KIFC3: variants seen among roughly 807,000 people sequenced by gnomAD.
KIFC3 encodes kinesin-like protein KIFC3.
Under a neutral mutation model 101.8 loss-of-function variants are expected in KIFC3, and 60 were observed. That is an observed-to-expected ratio of 0.59 (90% CI 0.48 to 0.73). The LOEUF is 0.73. Ranked by LOEUF, KIFC3 falls within the 30% of genes least tolerant of loss-of-function variation. The pLI is 0.00. For synonymous variants in KIFC3, 476 were observed against 482.7 expected (o/e 0.99, Z 0.18); for missense variants, 966 against 1,137.1 (o/e 0.85, Z 2.16).
intron 3 of KIFC3, among the ~76,000 whole-genome samples, chr16:57,784,365 G>A (rs2053097729): frequency 1.3e-5 from 2 of 152,178 alleles, no homozygotes; most frequent in African/African-American, 2.4e-5. Flanking sequence ...GTGCCCCAAG[G>A]AGCCCCACCC....
intron 1 of KIFC3, chr16:57,816,339 T>G: frequency 9.5e-7 from 1 of 1,049,042 alleles, no homozygotes; most frequent in South Asian, 1.3e-5. Context: ...GTCTTCAGGA[T>G]CCTGGGGCCT....
Position 57,761,073 on chromosome 16 carries a change from G to A in KIFC3, c.1971C>T (p.Gly657=), listed in dbSNP as rs782335810. ...SHALLIVTVR[G]VDCSTGLRTT... ...TGCGGAGGCCTGTGCTGCAGTCCAC[G>A]CCTCGCACCGTCACGATGAGCAGCG... The change falls in exon 15 of 20, where the codon GGC becomes GGT. Residue 657 remains glycine, a synonymous_variant. Coordinates refer to ENST00000445690, the MANE Select transcript of KIFC3 (RefSeq NM_001130100.2). The A allele has an allele frequency of 8.1e-6, 13 of 1,612,894 alleles. No homozygotes were observed. The highest frequency in any genetic ancestry group is 1.7e-5 in the Admixed American group (1 of 59,966).
chr16:57,760,714 C>A lies in KIFC3; in HGVS notation c.2232+12G>T. On this transcript the variant is annotated intron_variant, in intron 16 of 19. Transcript: ENST00000445690. The stretch of plus-strand genomic sequence containing the variant: ...TGCTAGGGACTGGCCCGCCCTAACC[C>A]AAGGTCCTCACCTGTACCACCATGA... The A allele has an allele frequency of 6.2e-7, 1 of 1,611,340 alleles. No homozygotes were observed. The highest frequency in any genetic ancestry group is 8.5e-7 in the Non-Finnish European group (1 of 1,178,024).
intron 3 of KIFC3, among the ~76,000 whole-genome samples, chr16:57,773,276 A>G (rs982696468): frequency 1.1e-4 from 16 of 152,202 alleles, no homozygotes; most frequent in Non-Finnish European, 1.9e-4. Context: ...ACTAAATGAT[A>G]GGCAACAACG....
chr16:57,800,454 C>A (rs949942770), intron 1 of KIFC3, among the ~76,000 whole-genome samples: 2 of 152,194 alleles, frequency 1.3e-5, no homozygotes, highest in African/African-American at 4.8e-5. Context: ...GCTGGGCACA[C>A]AACCAACCCT....
chr16:57,775,074 T>C (rs1555611102), intron 3 of KIFC3: 5 of 1,504,892 alleles, frequency 3.3e-6, no homozygotes, highest in African/African-American at 1.4e-5. Context: ...GGAGGCGGGA[T>C]ACCCACCAGC....
intron 3 of KIFC3, among the ~76,000 whole-genome samples, chr16:57,780,667 ATTT>A (rs1191334568): frequency 1.4e-5 from 1 of 69,932 alleles, no homozygotes; most frequent in Non-Finnish European, 2.5e-5. Context: ...CTGAAGACAA[ATTT>A]TTTTTTTTTT....
At position 57,770,633 on chromosome 16, in the gene KIFC3, C is replaced by T. The variant is rs904109342; in HGVS notation, c.833G>A (p.Arg278Gln). 5.1e-6 allele frequency: 8 copies of T among 1,553,618 alleles called. No individual in the cohort carries two copies. The highest frequency in any genetic ancestry group is 4.8e-5 in the East Asian group (2 of 41,692). Residue 278 changes from arginine to glutamine, a missense_variant, in exon 7 of 20, where the codon CGG becomes CAG. Transcript: ENST00000445690. ...TKQALSESQA[R>Q]NQHLQEQVAM... ...CACCTGCTCCTGCAGGTGCTGGTTCCGGGCCTGGGACTCGCTGAGGGCCTG... is the reference window on the plus strand; with the variant it reads ...CACCTGCTCCTGCAGGTGCTGGTTCTGGGCCTGGGACTCGCTGAGGGCCTG...
chr16:57,860,737 A>G (rs540932999), intron 1 of KIFC3, among the ~76,000 whole-genome samples: 2 of 152,142 alleles, frequency 1.3e-5, no homozygotes, highest in African/African-American at 4.8e-5. Context: ...TTTAGATACA[A>G]TATCTCCCTC....
intron 1 of KIFC3, among the ~76,000 whole-genome samples, chr16:57,843,217 T>C (rs1407593073): frequency 1.3e-5 from 2 of 152,142 alleles, no homozygotes; most frequent in Non-Finnish European, 2.9e-5. Flanking sequence ...TATAAAAGAA[T>C]CTCACAGGCA....
At chr16:57,858,657 A>G (rs2056229930) in intron 1 of KIFC3, among the ~76,000 whole-genome samples, 1 of 152,082 alleles carries the variant, frequency 6.6e-6, no homozygotes, top group South Asian at 2.1e-4. Context: ...TTAAATTTAC[A>G]TAATTGAGGC....
upstream of KIFC3, among the ~76,000 whole-genome samples, chr16:57,806,643 A>G (rs188642298): frequency 2.3e-3 from 344 of 152,344 alleles, 1 homozygote; most frequent in Non-Finnish European, 3.5e-3. Flanking sequence ...GTACCCAAAC[A>G]GACTTTCTTC....
intron 1 of KIFC3, among the ~76,000 whole-genome samples, chr16:57,849,830 A>C (rs1478040769): frequency 6.6e-6 from 1 of 152,028 alleles, no homozygotes; most frequent in Non-Finnish European, 1.5e-5. Context: ...TTGCACCTGG[A>C]ATGTGGAGGT....
intron 3 of KIFC3, among the ~76,000 whole-genome samples, chr16:57,790,078 C>CTTTCTTTCTTTCTT (rs59016221): frequency 2.9e-4 from 27 of 94,094 alleles, no homozygotes; most frequent in East Asian, 2.3e-3. Flanking sequence ...TTCTTTCTTT[C>CTTTCTTTCTTTCTT]TTTTTTTTTT....
intron 3 of KIFC3, chr16:57,780,045 G>C (rs2052541418): frequency 1.3e-5 from 2 of 152,144 alleles, no homozygotes; most frequent in African/African-American, 4.8e-5. Flanking sequence ...CACAAGAACT[G>C]CATGGAGGAA....
At chr16:57,857,794 T>C (rs566082039) in intron 1 of KIFC3, among the ~76,000 whole-genome samples, 118 of 126,768 alleles carry the variant, frequency 9.3e-4, no homozygotes, top group Non-Finnish European at 7.4e-4. Flanking sequence ...TCTTTTTTTT[T>C]TTATTTCTTT....
intron 1 of KIFC3, among the ~76,000 whole-genome samples, chr16:57,833,692 G>A (rs2967122): frequency 0.16 from 25,035 of 152,036 alleles, 2,257 homozygotes; most frequent in Middle Eastern, 0.23. Context: ...TCCCATCGTG[G>A]TGATGTGACA....
chr16:57,847,242 GGAAGGAAGGAAGGAAGGAAGGAAGGA>G (rs2149321583), intron 1 of KIFC3, among the ~76,000 whole-genome samples: 1 of 104,330 alleles, frequency 9.6e-6, no homozygotes, highest in Non-Finnish European at 1.8e-5. Flanking sequence ...AAGGAAGGAA[GGAAGGAAGGAAGGAAGGAAGGAAGGA>G]AGGGAAGGGA....
chr16:57,775,544 C>T (rs554349160), intron 3 of KIFC3: 31 of 986,358 alleles, frequency 3.1e-5, no homozygotes, highest in South Asian at 9.4e-5. Flanking sequence ...CTGGGGAAAG[C>T]GGATGGAAGA....
Sources: gnomAD v4.1 joint callset for allele counts (sites outside exome capture counted in the v4.1 genomes callset) on GRCh38, gnomAD v4.1.1 for gene constraint, MANE v1.5 for transcripts, NCBI Gene and HGNC (gene_info 2026-07-23, HGNC 2026-07-21) for gene names.